LAMC1: variants seen among roughly 807,000 people sequenced by gnomAD.
LAMC1 encodes the protein laminin subunit gamma-1.
A neutral mutation model predicts 173.6 loss-of-function variants in LAMC1; 38 were observed. That is an observed-to-expected ratio of 0.22 (90% CI 0.17 to 0.29). The LOEUF (loss-of-function observed/expected upper bound fraction) is 0.29. LAMC1 is among the 10% of genes least tolerant of loss of function. The probability of loss-of-function intolerance (pLI) is 1.00; values close to 1 mark genes in which losing one functional copy is unlikely to be tolerated. For synonymous variants in LAMC1, 746 were observed against 749.1 expected (o/e 1.00, Z 0.07); for missense variants, 1,824 against 2,051.8 (o/e 0.89, Z 2.14).
intron 27 of LAMC1, 91 bp from the exon 28 acceptor site, chr1:183,142,443 T>C (rs1413868887): frequency 1.5e-6 from 2 of 1,352,134 alleles, no homozygotes; most frequent in Non-Finnish European, 2.0e-6. Flanking sequence ...GAATGGCAGC[T>C]GCTGGGCCTA....
chr1:183,068,967 AG>A (rs796294571), intron 1 of LAMC1, among the ~76,000 whole-genome samples: 39 of 152,186 alleles, frequency 2.6e-4, no homozygotes, highest in African/African-American at 8.7e-4. Flanking sequence ...AAAGTGACAC[AG>A]GTATATACTT....
intron 1 of LAMC1, among the ~76,000 whole-genome samples, chr1:183,056,438 T>A (rs141083173): frequency 1.3e-5 from 2 of 152,318 alleles, no homozygotes; most frequent in African/African-American, 4.8e-5. Flanking sequence ...TTACCAAATC[T>A]GGTGTGTTTA....
intron 1 of LAMC1, among the ~76,000 whole-genome samples, chr1:183,055,123 G>C (rs1654550900): frequency 6.6e-6 from 1 of 151,738 alleles, no homozygotes; most frequent in Non-Finnish European, 1.5e-5. Flanking sequence ...CGAGTAGCTG[G>C]GATTACAGGT....
chr1:183,107,226 G>A (rs1197348055), intron 2 of LAMC1, among the ~76,000 whole-genome samples: 5 of 152,200 alleles, frequency 3.3e-5, no homozygotes, highest in African/African-American at 9.7e-5. Flanking sequence ...GGAAATGGCA[G>A]TGGACAAAAT....
chr1:183,128,761 T>C lies in LAMC1; in HGVS notation c.3280+11T>C. On this transcript the variant is annotated intron_variant, in intron 18 of 27. Coordinates refer to ENST00000258341, the MANE Select transcript of LAMC1 (RefSeq NM_002293.4). ...CCCAGGATGTCAAAGGTACGCATGA[T>C]TGAACAGTGCATGACTTCTGTGAGA... 1 of 1,611,144 alleles carries C rather than the reference T, an allele frequency of 6.2e-7. No individual in the cohort carries two copies. Among genetic ancestry groups the C allele is most frequent in the Non-Finnish European group, 8.5e-7 (1 of 1,178,150 alleles).
rs1294267817 is a variant in LAMC1, at chr1:183,145,533, T to A, written c.*2743T>A. ...AATAAAATGCAACACTTGGCATTTT[T>A]ATGTTTTAAGAAAAACAGTATTTTA... On this transcript the variant is annotated 3_prime_UTR_variant, in exon 28 of 28. Coordinates refer to ENST00000258341, the MANE Select transcript of LAMC1 (RefSeq NM_002293.4). 6.6e-6 allele frequency: 1 copy of A among 152,580 alleles called. No homozygotes were observed. The highest frequency in any genetic ancestry group is 1.9e-4 in the East Asian group (1 of 5,202). The allele number at this position is 152,580 out of a possible 1,614,324, so 9.5% of individuals were successfully genotyped here.
At chr1:183,058,938 A>G (rs916596457) in intron 1 of LAMC1, among the ~76,000 whole-genome samples, 2 of 152,248 alleles carry the variant, frequency 1.3e-5, no homozygotes, top group Admixed American at 6.5e-5. Flanking sequence ...GGTAATATCT[A>G]TATGTTGTTC....
At chr1:183,115,260 G>C (rs1428637713) in intron 5 of LAMC1, among the ~76,000 whole-genome samples, 1 of 152,104 alleles carries the variant, frequency 6.6e-6, no homozygotes, top group East Asian at 1.9e-4. Context: ...GTTTCATTGG[G>C]TACAAAGTGA....
intron 27 of LAMC1, 37 bp downstream of exon 27, chr1:183,140,540 A>G: frequency 7.2e-7 from 1 of 1,386,692 alleles, no homozygotes; most frequent in Non-Finnish European, 1.0e-6. Context: ...CAGTCTCTGA[A>G]TCTTTTGTAC....
chr1:183,043,376 T>C (rs1454885861), intron 1 of LAMC1, among the ~76,000 whole-genome samples: 1 of 152,196 alleles, frequency 6.6e-6, no homozygotes, highest in Non-Finnish European at 1.5e-5. Context: ...GCTTTTTGAA[T>C]TGAGAATCAC....
chr1:183,062,085 A>ATAGT (rs1420133889), intron 1 of LAMC1, among the ~76,000 whole-genome samples: 2 of 152,250 alleles, frequency 1.3e-5, no homozygotes, highest in Non-Finnish European at 2.9e-5. Context: ...ACAGGTAAGA[A>ATAGT]TAGTGTTCAG....
intron 4 of LAMC1, among the ~76,000 whole-genome samples, chr1:183,113,101 G>A (rs888325709): frequency 7.9e-5 from 12 of 152,176 alleles, no homozygotes; most frequent in African/African-American, 2.7e-4. Context: ...ACTTGAGCCT[G>A]GGAGTTTGAG....
intron 2 of LAMC1, among the ~76,000 whole-genome samples, chr1:183,107,075 A>T (rs141442487): frequency 6.6e-5 from 10 of 152,220 alleles, no homozygotes; most frequent in South Asian, 6.2e-4. Context: ...CTTAGATCTC[A>T]TAAAACCTAG....
At chr1:183,050,281 C>CTTT (rs892649686) in intron 1 of LAMC1, among the ~76,000 whole-genome samples, 68 of 115,504 alleles carry the variant, frequency 5.9e-4, no homozygotes, top group African/African-American at 9.3e-4. Context: ...TTCTCAGATT[C>CTTT]TTTTTTTTTT....
chr1:183,132,603 A>G, intron 21 of LAMC1, 66 bp downstream of exon 21: 2 of 1,285,246 alleles, frequency 1.6e-6, no homozygotes, highest in Middle Eastern at 1.9e-4. Flanking sequence ...TAGTTCAATG[A>G]AAAATTAAAT....
chr1:183,130,327 T>C lies in LAMC1; in HGVS notation c.3281-17T>C. On this transcript the variant is annotated splice_polypyrimidine_tract_variant and intron_variant, in intron 18 of 27. Transcript: ENST00000258341. ...TCTTCAGATAATTTACAGACTTTCTTCTGCAAACCATTTTAGATGTTGACC... is the reference window on the plus strand; with the variant it reads ...TCTTCAGATAATTTACAGACTTTCTCCTGCAAACCATTTTAGATGTTGACC... The C allele has an allele frequency of 6.2e-7, 1 of 1,605,396 alleles. No individual in the cohort carries two copies. The highest frequency in any genetic ancestry group is 1.1e-5 in the South Asian group (1 of 90,898).
intron 1 of LAMC1, among the ~76,000 whole-genome samples, chr1:183,071,575 G>A (rs1655012449): frequency 6.6e-6 from 1 of 152,174 alleles, no homozygotes; most frequent in Non-Finnish European, 1.5e-5. Context: ...CTGCAGAGCA[G>A]TGAAAAATTT....
intron 2 of LAMC1, among the ~76,000 whole-genome samples, chr1:183,108,034 T>G (rs1461472599): frequency 6.6e-6 from 1 of 152,150 alleles, no homozygotes; most frequent in Non-Finnish European, 1.5e-5. Flanking sequence ...GCAAAGAAAT[T>G]AGTTATTATC....
Position 183,137,673 on chromosome 1 carries a change from C to T in LAMC1, c.4319C>T (p.Ala1440Val). 1 of 1,562,720 alleles carries T rather than the reference C, an allele frequency of 6.4e-7. No homozygotes were observed. The highest frequency in any genetic ancestry group is 1.2e-5 in the South Asian group (1 of 80,296). The change falls in exon 26 of 28, where the codon GCC becomes GTC. Residue 1440 changes from alanine to valine, a missense_variant. Physicochemically the swap from Ala to Val is moderately conservative, Grantham distance 64. Transcript: ENST00000258341. ...ERIASAVQKN[A>V]TSTKAEAERT... ...ACAATTTTCTTTTGTGCCTAGAATG[C>T]CACCAGCACCAAGGCAGAAGCTGAA...
Sources: gnomAD v4.1 joint callset for allele counts (sites outside exome capture counted in the v4.1 genomes callset) on GRCh38, gnomAD v4.1.1 for gene constraint, MANE v1.5 for transcripts, NCBI Gene and HGNC (gene_info 2026-07-23, HGNC 2026-07-21) for gene names.